Variants in PAFAH1B1 observed in about 807,000 individuals in gnomAD.
PAFAH1B1 encodes platelet activating factor acetylhydrolase 1b regulatory subunit 1.
In PAFAH1B1, 2 loss-of-function variants were observed where a neutral mutation model predicts 57.5. That is an observed-to-expected ratio of 0.03 (90% CI 0.01 to 0.11). The LOEUF is 0.11. PAFAH1B1 is among the 10% of genes least tolerant of loss of function. The pLI is 1.00. For synonymous variants in PAFAH1B1, 152 were observed against 169.6 expected, an observed-to-expected ratio of 0.90 and a Z score of 0.81; for missense variants, 257 against 512.0, an observed-to-expected ratio of 0.50 and a Z score of 4.81.
In PAFAH1B1 at chr17:2,601,664, A is replaced by G. The variant is rs559055475; in HGVS notation, c.-191+7658A>G. On this transcript the variant is annotated intron_variant, in intron 1 of 10. Transcript: ENST00000397195. Reference sequence around the variant, plus strand: ...ACCATGTTGGTCAGGCAGGCCTTGAACTCCTGACCTCAGGTGATCCTCCTG... The same window carrying G: ...ACCATGTTGGTCAGGCAGGCCTTGAGCTCCTGACCTCAGGTGATCCTCCTG... Among the ~76,000 whole-genome samples, 3 of 151,846 alleles carry G rather than the reference A, an allele frequency of 2.0e-5. No homozygotes were observed. The South Asian group carries it at 6.3e-4, about 32-fold the overall frequency.
intron 2 of PAFAH1B1, among the ~76,000 whole-genome samples, chr17:2,659,738 G>A (rs1183398748): frequency 2.0e-5 from 3 of 151,934 alleles, no homozygotes. Context: ...TCAGGAGGCT[G>A]AGGCATGAGA....
chr17:2,658,830 GCAAT>G (rs1405369931), intron 2 of PAFAH1B1, among the ~76,000 whole-genome samples: 2 of 152,178 alleles, frequency 1.3e-5, no homozygotes, highest in Admixed American at 6.5e-5. Flanking sequence ...GATGGTAATG[GCAAT>G]CAATTTGTCA....
chr17:2,602,224 C>T (rs1464711440), intron 1 of PAFAH1B1, among the ~76,000 whole-genome samples: 1 of 151,046 alleles, frequency 6.6e-6, no homozygotes, highest in Non-Finnish European at 1.5e-5. Flanking sequence ...ATGGTATGTC[C>T]TTAAAGAGAA....
At chr17:2,607,013 A>G (rs964795346) in intron 1 of PAFAH1B1, among the ~76,000 whole-genome samples, 1 of 150,698 alleles carries the variant, frequency 6.6e-6, no homozygotes, top group African/African-American at 2.4e-5. Flanking sequence ...TTTAGTAGAG[A>G]TGGGGTTTCA....
chr17:2,664,867 G>C (rs984392774), intron 2 of PAFAH1B1, among the ~76,000 whole-genome samples: 1 of 152,060 alleles, frequency 6.6e-6, no homozygotes, highest in Non-Finnish European at 1.5e-5. Context: ...TATACTGTAT[G>C]ATTGCTTTTT....
In PAFAH1B1 at chr17:2,685,165, A is replaced by C. The variant is rs994504257; in HGVS notation, c.*3363A>C. On this transcript the variant is annotated 3_prime_UTR_variant, in exon 11 of 11. Coordinates refer to ENST00000397195, the MANE Select transcript of PAFAH1B1 (RefSeq NM_000430.4). ...GAAAAAGGTTTTGGATTTTTTTTCC[A>C]GTGGGGTGGGGGGAGGGCAAGCTGG... The C allele has an allele frequency of 9.9e-6, 1 of 100,684 alleles. No individual in the cohort carries two copies. The highest frequency in any genetic ancestry group is 3.9e-5 in the African/African-American group (1 of 25,764). 6.2% of individuals were successfully genotyped at this position (100,684 alleles called of 1,614,324 possible). A position where few individuals can be genotyped will look rare whatever the true frequency, so the allele number is the denominator to read the frequency against.
chr17:2,675,805 C>T (rs2069255762), intron 8 of PAFAH1B1, among the ~76,000 whole-genome samples: 1 of 152,074 alleles, frequency 6.6e-6, no homozygotes, highest in Non-Finnish European at 1.5e-5. Flanking sequence ...TGTTCCACTG[C>T]ACTCCAGCCT....
rs1343146264 is a variant in PAFAH1B1, at chr17:2,683,098, CT to C, written c.*1297del. The C allele has an allele frequency of 6.6e-6, 1 of 152,210 alleles. No individual in the cohort carries two copies. The highest frequency in any genetic ancestry group is 2.4e-5 in the African/African-American group (1 of 41,448). 9.4% of individuals were successfully genotyped at this position (152,210 alleles called of 1,614,324 possible). On this transcript the variant is annotated 3_prime_UTR_variant, in exon 11 of 11. Transcript: ENST00000397195. The stretch of plus-strand genomic sequence containing the variant: ...ATGCTTCTGAAAACTAGGTCTGACT[CT>C]GGGGATTTTTTTCCAGCCGAAGGAA...
chr17:2,639,396 C>G (rs982742619), intron 2 of PAFAH1B1: 1 of 151,998 alleles, frequency 6.6e-6, no homozygotes, highest in African/African-American at 2.4e-5. Context: ...AGAATTTGAA[C>G]TTTATGAGGT....
intron 2 of PAFAH1B1, among the ~76,000 whole-genome samples, chr17:2,645,918 T>A (rs753356636): frequency 3.3e-5 from 5 of 151,874 alleles, no homozygotes; most frequent in Admixed American, 6.6e-5. Flanking sequence ...ATATATATAT[T>A]TCTAAATAGC....
At chr17:2,626,567 C>T (rs796471101) in intron 1 of PAFAH1B1, among the ~76,000 whole-genome samples, 2 of 71,994 alleles carry the variant, frequency 2.8e-5, no homozygotes, top group South Asian at 6.6e-4. Context: ...CCCCCCCCCC[C>T]CCCCGAGGCG....
intron 1 of PAFAH1B1, among the ~76,000 whole-genome samples, chr17:2,602,853 A>T (rs2068160668): frequency 6.6e-6 from 1 of 152,206 alleles, no homozygotes; most frequent in Non-Finnish European, 1.5e-5. Context: ...GCCCTTTGTG[A>T]CAGCTTTGTA....
chr17:2,640,289 C>T (rs1383942333), intron 2 of PAFAH1B1: 1 of 151,556 alleles, frequency 6.6e-6, no homozygotes, highest in Non-Finnish European at 1.5e-5. Flanking sequence ...TACTCTCGTA[C>T]ATCATCCCAT....
intron 1 of PAFAH1B1, among the ~76,000 whole-genome samples, chr17:2,596,520 C>T (rs2068085245): frequency 6.6e-6 from 1 of 152,074 alleles, no homozygotes; most frequent in Non-Finnish European, 1.5e-5. Flanking sequence ...CATTTTAATG[C>T]CCTGTATCAA....
chr17:2,613,520 C>A, intron 1 of PAFAH1B1: 1 of 256,864 alleles, frequency 3.9e-6, no homozygotes. Flanking sequence ...GCCCAGGCGC[C>A]TGGCCACCTG....
chr17:2,618,163 G>T (rs922369392), intron 1 of PAFAH1B1, among the ~76,000 whole-genome samples: 1 of 151,782 alleles, frequency 6.6e-6, no homozygotes, highest in Non-Finnish European at 1.5e-5. Context: ...CAGGAGAATC[G>T]CTTGAACCTG....
At chr17:2,629,545 ATGTG>A (rs2068531349) in intron 1 of PAFAH1B1, among the ~76,000 whole-genome samples, 1 of 152,102 alleles carries the variant, frequency 6.6e-6, no homozygotes, top group African/African-American at 2.4e-5. Context: ...GTTGAATAGA[ATGTG>A]TATTCTGTGG....
intron 1 of PAFAH1B1, among the ~76,000 whole-genome samples, chr17:2,621,891 C>T (rs912184936): frequency 6.6e-6 from 1 of 152,148 alleles, no homozygotes; most frequent in Non-Finnish European, 1.5e-5. Context: ...TTTAATTGGA[C>T]TTACAGTTCC....
At chr17:2,648,790 A>G (rs1435300625) in intron 2 of PAFAH1B1, among the ~76,000 whole-genome samples, 1 of 152,034 alleles carries the variant, frequency 6.6e-6, no homozygotes, top group Non-Finnish European at 1.5e-5. Context: ...AGAAAATAAC[A>G]GGATATTTTC....
Sources: gnomAD v4.1 joint callset for allele counts (sites outside exome capture counted in the v4.1 genomes callset) on GRCh38, gnomAD v4.1.1 for gene constraint, MANE v1.5 for transcripts, NCBI Gene and HGNC (gene_info 2026-07-23, HGNC 2026-07-21) for gene names.